Variants in RAB6B observed in about 807,000 individuals in gnomAD.
The protein encoded by RAB6B is ras-related protein Rab-6B.
Under a neutral mutation model 31.2 loss-of-function variants are expected in RAB6B, and 7 were observed. The ratio of observed to expected loss-of-function variants is 0.22; its 90% CI spans 0.13 to 0.42. The LOEUF (loss-of-function observed/expected upper bound fraction) is 0.42. Among genes scored for constraint, RAB6B ranks in the 10% least tolerant of loss-of-function variants. RAB6B has a pLI of 1.00. For synonymous variants in RAB6B, 105 were observed against 104.9 expected (o/e 1.00, Z -0.01); for missense variants, 149 against 280.6 (o/e 0.53, Z 3.35).
chr3:133,880,320 A>G lies in RAB6B; in HGVS notation c.70+15077T>C, dbSNP rs955734934. The stretch of plus-strand genomic sequence containing the variant: ...AGTAATAGGAAAAGAAGGCTGAGGC[A>G]GGGAGAATGAGTAAACAGAGTATTG... On this transcript the variant is annotated intron_variant, in intron 1 of 7. Transcript: ENST00000285208. Among the ~76,000 whole-genome samples the G allele has an allele frequency of 3.3e-5, 5 of 152,248 alleles. No individual in the cohort carries two copies. In the South Asian group the frequency reaches 1.0e-3, roughly 31 times the overall value.
chr3:133,879,740 C>G (rs1384214056), intron 1 of RAB6B, among the ~76,000 whole-genome samples: 8 of 152,230 alleles, frequency 5.3e-5, no homozygotes, highest in African/African-American at 1.9e-4. Context: ...CACTTATGTT[C>G]TGAATCCTCT....
chr3:133,882,131 C>A lies in RAB6B; in HGVS notation c.70+13266G>T, dbSNP rs189249249. 6.6e-5 allele frequency among the ~76,000 whole-genome samples: 10 copies of A among 152,286 alleles called. No individual in the cohort carries two copies. In the East Asian group the frequency reaches 7.7e-4, roughly 12 times the overall value. On this transcript the variant is annotated intron_variant, in intron 1 of 7. Transcript: ENST00000285208. ...TCCTTGTGGTTGTAGGACTTCCCCC[C>A]ACGGGCTGCTCTTATTTCCTGAAGG...
At chr3:133,875,452 T>C (rs975640841) in intron 1 of RAB6B, among the ~76,000 whole-genome samples, 1 of 152,114 alleles carries the variant, frequency 6.6e-6, no homozygotes, top group Non-Finnish European at 1.5e-5. Flanking sequence ...GATTAGAGGG[T>C]ACAAATTTGC....
intron 2 of RAB6B, among the ~76,000 whole-genome samples, chr3:133,854,285 T>C (rs1487332262): frequency 6.6e-6 from 1 of 152,224 alleles, no homozygotes; most frequent in Non-Finnish European, 1.5e-5. Context: ...CATGGAGTCT[T>C]GGTCAAAGCA....
At chr3:133,860,890 C>T (rs1275001380) in intron 2 of RAB6B, among the ~76,000 whole-genome samples, 2 of 152,222 alleles carry the variant, frequency 1.3e-5, no homozygotes, top group African/African-American at 4.8e-5. Flanking sequence ...AAGTGCATCA[C>T]AATCACTGCT....
intron 2 of RAB6B, among the ~76,000 whole-genome samples, chr3:133,844,187 C>T (rs901522324): frequency 1.3e-5 from 2 of 152,228 alleles, no homozygotes; most frequent in Non-Finnish European, 2.9e-5. Context: ...CAAAGCTCAA[C>T]CCAGTGGCCT....
chr3:133,828,215 CT>C lies in RAB6B; in HGVS notation c.*572del. 1 of 561,498 alleles carries C rather than the reference CT, an allele frequency of 1.8e-6. No individual in the cohort carries two copies. Among genetic ancestry groups the C allele is most frequent in the Non-Finnish European group, 3.2e-6 (1 of 314,906 alleles). 34.8% of individuals were successfully genotyped at this position (561,498 alleles called of 1,614,324 possible). Reference sequence around the variant, plus strand: ...ATGGAAAGACAAGAGTCAGAGCTACCTTTTCAGAGGCTGATGTGTTCAACCA... The same window carrying C: ...ATGGAAAGACAAGAGTCAGAGCTACCTTTCAGAGGCTGATGTGTTCAACCA... On this transcript the variant is annotated 3_prime_UTR_variant, in exon 8 of 8. Transcript: ENST00000285208.
In RAB6B at chr3:133,824,385, A is replaced by G. The variant is rs974056924; in HGVS notation, c.*4403T>C. 6.6e-6 allele frequency: 1 copy of G among 152,130 alleles called. No individual in the cohort carries two copies. The highest frequency in any genetic ancestry group is 1.5e-5 in the Non-Finnish European group (1 of 68,020). 9.4% of individuals were successfully genotyped at this position (152,130 alleles called of 1,614,324 possible). A position where few individuals can be genotyped will look rare whatever the true frequency, so the allele number is the denominator to read the frequency against. On this transcript the variant is annotated 3_prime_UTR_variant, in exon 8 of 8. Coordinates refer to ENST00000285208, the MANE Select transcript of RAB6B (RefSeq NM_016577.4). ...CCACCCTCTGTGCTCCTCACAGCCA[A>G]TCACTTTAAAGGGATGGGTGAGGGG... is the stretch of plus-strand genomic sequence containing the variant.
chr3:133,846,643 T>C (rs1935912081), intron 2 of RAB6B, among the ~76,000 whole-genome samples: 1 of 152,132 alleles, frequency 6.6e-6, no homozygotes, highest in South Asian at 2.1e-4. Context: ...CATAGTCAAA[T>C]TGCTGAAAAT....
chr3:133,873,731 C>T (rs933012456), intron 1 of RAB6B, among the ~76,000 whole-genome samples: 3 of 152,140 alleles, frequency 2.0e-5, no homozygotes, highest in African/African-American at 7.2e-5. Flanking sequence ...TTGAAGAAGG[C>T]AAGAGTTGGG....
intron 7 of RAB6B, among the ~76,000 whole-genome samples, chr3:133,832,292 C>A (rs1228480827): frequency 6.6e-6 from 1 of 152,074 alleles, no homozygotes; most frequent in Non-Finnish European, 1.5e-5. Flanking sequence ...TTGTTGAGAG[C>A]AGACCAGTGG....
chr3:133,842,079 G>C (rs1935844601), intron 2 of RAB6B, among the ~76,000 whole-genome samples: 1 of 152,216 alleles, frequency 6.6e-6, no homozygotes, highest in Admixed American at 6.5e-5. Flanking sequence ...GCATGGGCCT[G>C]GGCTCAACAC....
At chr3:133,849,741 C>A (rs1935952186) in intron 2 of RAB6B, among the ~76,000 whole-genome samples, 2 of 152,210 alleles carry the variant, frequency 1.3e-5, no homozygotes, top group Non-Finnish European at 2.9e-5. Context: ...GGGTCACAAA[C>A]TATCTGGCTA....
chr3:133,829,399 T>A (rs1383910679), intron 7 of RAB6B, among the ~76,000 whole-genome samples: 1 of 152,182 alleles, frequency 6.6e-6, no homozygotes, highest in Non-Finnish European at 1.5e-5. Flanking sequence ...GCCAGCCCTT[T>A]CCACTGGTGC....
intron 1 of RAB6B, among the ~76,000 whole-genome samples, chr3:133,869,801 C>T (rs1936290752): frequency 6.6e-6 from 1 of 152,210 alleles, no homozygotes; most frequent in South Asian, 2.1e-4. Flanking sequence ...GAGGGAGACA[C>T]GCATGCAGCA....
chr3:133,828,590 TTAAG>T lies in RAB6B; in HGVS notation c.*194_*197del. ...TACAACCAAACCAAAAAATAGTTGT[TTAAG>T]TAACAGCCGTTAAGAGTGATGTGAT... On this transcript the variant is annotated 3_prime_UTR_variant, in exon 8 of 8. Coordinates refer to ENST00000285208, the MANE Select transcript of RAB6B (RefSeq NM_016577.4). 1.5e-6 allele frequency: 1 copy of T among 656,326 alleles called. No individual in the cohort carries two copies. The highest frequency in any genetic ancestry group is 2.6e-5 in the East Asian group (1 of 38,800). 40.7% of individuals were successfully genotyped at this position (656,326 alleles called of 1,614,324 possible).
At chr3:133,862,472 G>A (rs771779757) in intron 2 of RAB6B, among the ~76,000 whole-genome samples, 11 of 152,216 alleles carry the variant, frequency 7.2e-5, no homozygotes, top group African/African-American at 1.7e-4. Context: ...AGATGGTCAC[G>A]GAGGGGACAG....
rs767559130 is a variant in RAB6B, at chr3:133,828,585, GTTGT to G, written c.*199_*202del. 53 of 646,030 alleles carry G rather than the reference GTTGT, an allele frequency of 8.2e-5. No individual in the cohort carries two copies. Among genetic ancestry groups the G allele is most frequent in the Non-Finnish European group, 1.1e-4 (41 of 364,580 alleles). The allele number at this position is 646,030 out of a possible 1,614,324, so 40.0% of individuals were successfully genotyped here. A position where few individuals can be genotyped will look rare whatever the true frequency, so the allele number is the denominator to read the frequency against. Reference sequence around the variant, plus strand: ...TATATTACAACCAAACCAAAAAATAGTTGTTTAAGTAACAGCCGTTAAGAGTGAT... The same window carrying G: ...TATATTACAACCAAACCAAAAAATAGTTAAGTAACAGCCGTTAAGAGTGAT... On this transcript the variant is annotated 3_prime_UTR_variant, in exon 8 of 8. Transcript: ENST00000285208.
intron 2 of RAB6B, among the ~76,000 whole-genome samples, chr3:133,851,189 T>C (rs72976364): frequency 0.03 from 4,555 of 152,284 alleles, 154 homozygotes; most frequent in African/African-American, 0.083. Context: ...CAGGAAAATA[T>C]ACTAATGGAA....
Sources: gnomAD v4.1 joint callset for allele counts (sites outside exome capture counted in the v4.1 genomes callset) on GRCh38, gnomAD v4.1.1 for gene constraint, MANE v1.5 for transcripts, NCBI Gene and HGNC (gene_info 2026-07-23, HGNC 2026-07-21) for gene names.